PCSK5: variants seen among roughly 807,000 people sequenced by gnomAD.
PCSK5 encodes prohormone convertase 5.
PCSK5 carries 129 observed loss-of-function variants against 233.2 expected under a neutral mutation model. The ratio of observed to expected loss-of-function variants is 0.55; its 90% CI spans 0.48 to 0.64. The LOEUF is 0.64. PCSK5 is among the 30% of genes least tolerant of loss of function. The pLI is 0.00. For synonymous variants in PCSK5, 825 were observed against 879.2 expected (o/e 0.94, Z 1.09); for missense variants, 2,076 against 2,430.1 (o/e 0.85, Z 3.06).
intron 10 of PCSK5, among the ~76,000 whole-genome samples, chr9:76,137,005 C>A (rs1461441961): frequency 2.0e-5 from 3 of 152,076 alleles, no homozygotes; most frequent in Non-Finnish European, 4.4e-5. Context: ...TTCAGACATA[C>A]CCCCATGTCC....
At chr9:76,328,558 T>G (rs1487359888) in intron 33 of PCSK5, among the ~76,000 whole-genome samples, 1 of 152,202 alleles carries the variant, frequency 6.6e-6, no homozygotes, top group South Asian at 2.1e-4. Flanking sequence ...TGTATACATG[T>G]ACATCATTCC....
chr9:76,259,235 C>G (rs920755543), intron 24 of PCSK5, among the ~76,000 whole-genome samples: 1 of 152,036 alleles, frequency 6.6e-6, no homozygotes, highest in African/African-American at 2.4e-5. Context: ...CCTCTTGTTC[C>G]TCACCTCCCT....
At chr9:75,906,287 G>T (rs1021294681) in intron 1 of PCSK5, among the ~76,000 whole-genome samples, 4 of 151,944 alleles carry the variant, frequency 2.6e-5, no homozygotes, top group East Asian at 3.9e-4. Flanking sequence ...GTGCAGTGGC[G>T]CAATCTCGGC....
intron 17 of PCSK5, among the ~76,000 whole-genome samples, chr9:76,185,113 C>T (rs534719136): frequency 1.2e-3 from 182 of 152,274 alleles, no homozygotes; most frequent in African/African-American, 4.1e-3. Flanking sequence ...TTTAATCCCC[C>T]GATTCATTCC....
intron 5 of PCSK5, among the ~76,000 whole-genome samples, chr9:76,047,152 A>G (rs1350957564): frequency 6.6e-6 from 1 of 150,790 alleles, no homozygotes; most frequent in Non-Finnish European, 1.5e-5. Context: ...GCTGGAGTGC[A>G]ATGGTGAGAT....
In PCSK5 at chr9:76,312,614, GTATAAA is replaced by G. The variant is rs200139311; in HGVS notation, c.3884+1768_3884+1773del. On this transcript the variant is annotated intron_variant, in intron 30 of 37. Transcript: ENST00000674117. ...TATAGAGTATAAATATAAGTTATGA[GTATAAA>G]TATAGAGTATAAATATAAGGTATTT... Among the ~76,000 whole-genome samples, 354 of 151,940 alleles carry G rather than the reference GTATAAA, an allele frequency of 2.3e-3. 3 individuals are homozygous for G. The East Asian group carries it at 0.034, about 15-fold the overall frequency.
At chr9:75,902,719 C>T (rs989997584) in intron 1 of PCSK5, among the ~76,000 whole-genome samples, 2 of 152,122 alleles carry the variant, frequency 1.3e-5, no homozygotes, top group Non-Finnish European at 2.9e-5. Context: ...CTGATATGTC[C>T]ACTGGGCAGA....
At chr9:76,128,601 C>T (rs1399972986) in intron 9 of PCSK5, among the ~76,000 whole-genome samples, 1 of 152,100 alleles carries the variant, frequency 6.6e-6, no homozygotes, top group African/African-American at 2.4e-5. Context: ...GAAAAGACAC[C>T]TCAGCTTCAA....
chr9:75,890,357 G>A (rs1387404735), upstream of PCSK5, among the ~76,000 whole-genome samples: 2 of 152,160 alleles, frequency 1.3e-5, no homozygotes, highest in Non-Finnish European at 2.9e-5. Flanking sequence ...CGGTTAATTC[G>A]CACCGGCGTG....
At chr9:76,166,453 A>C (rs1031693887) in intron 12 of PCSK5, among the ~76,000 whole-genome samples, 5 of 152,212 alleles carry the variant, frequency 3.3e-5, no homozygotes, top group African/African-American at 9.7e-5. Context: ...TGACTTTCAA[A>C]GGTGGACAGG....
At chr9:76,176,812 T>C (rs904071267) in intron 14 of PCSK5, among the ~76,000 whole-genome samples, 1 of 152,192 alleles carries the variant, frequency 6.6e-6, no homozygotes, top group Non-Finnish European at 1.5e-5. Context: ...ATTTATATAG[T>C]TTAGAGTTGA....
intron 1 of PCSK5, among the ~76,000 whole-genome samples, chr9:75,893,260 A>G (rs985446944): frequency 6.8e-4 from 104 of 152,168 alleles, no homozygotes; most frequent in Non-Finnish European, 2.6e-4. Context: ...ATTACCTCAC[A>G]CACAGGAGAT....
chr9:76,295,108 C>T (rs13283126), intron 25 of PCSK5, among the ~76,000 whole-genome samples, 167 bp from the exon 26 acceptor site: 38,116 of 151,914 alleles, frequency 0.25, 5,206 homozygotes, highest in African/African-American at 0.36. Flanking sequence ...GAGCCGAGAT[C>T]GACCACTGCA....
intron 24 of PCSK5, among the ~76,000 whole-genome samples, chr9:76,261,606 G>C (rs1229936671): frequency 1.3e-5 from 2 of 152,164 alleles, no homozygotes; most frequent in Admixed American, 6.5e-5. Context: ...ACAAAACGCT[G>C]TCAAAAGAAA....
At chr9:76,353,537 A>G (rs1183324403) in intron 36 of PCSK5, among the ~76,000 whole-genome samples, 2 of 152,226 alleles carry the variant, frequency 1.3e-5, no homozygotes, top group African/African-American at 4.8e-5. Flanking sequence ...GCTGGGGATT[A>G]TGTCAAATAG....
chr9:76,133,094 C>T (rs1432370521), intron 9 of PCSK5, among the ~76,000 whole-genome samples: 3 of 152,072 alleles, frequency 2.0e-5, no homozygotes, highest in African/African-American at 7.2e-5. Flanking sequence ...GAGTAATTTT[C>T]TCCTCTTCCC....
intron 20 of PCSK5, among the ~76,000 whole-genome samples, chr9:76,203,998 AT>A (rs1825013939): frequency 1.3e-5 from 2 of 152,298 alleles, no homozygotes; most frequent in South Asian, 4.1e-4. Context: ...TTCCAGGAAC[AT>A]TTTGAGGATT....
chr9:75,991,940 A>T (rs557969649), intron 3 of PCSK5, among the ~76,000 whole-genome samples: 12 of 152,258 alleles, frequency 7.9e-5, no homozygotes, highest in African/African-American at 2.6e-4. Context: ...TAAAATAAAA[A>T]AAAAAATTAG....
Position 76,023,741 on chromosome 9 carries a change from T to C in PCSK5, c.415T>C (p.Cys139Arg), listed in dbSNP as rs751665570. ...CAGCATGCTCTTCTTCTTTCAGCAC[T>C]GCAGTGACAATACACATCCCTGCCA... ...PKWPSMWYMH[C>R]SDNTHPCQSD... is the part of the protein sequence containing the mutation. Residue 139 changes from cysteine (C) to arginine (R), a missense_variant, in exon 4 of 38, where the codon TGC becomes CGC. Coordinates refer to ENST00000674117, the MANE Select transcript of PCSK5 (RefSeq NM_001372043.1). 1 of 1,609,308 alleles carries C rather than the reference T, an allele frequency of 6.2e-7. No individual in the cohort carries two copies. The highest frequency in any genetic ancestry group is 8.5e-7 in the Non-Finnish European group (1 of 1,177,674).
Sources: gnomAD v4.1 joint callset for allele counts (sites outside exome capture counted in the v4.1 genomes callset) on GRCh38, gnomAD v4.1.1 for gene constraint, MANE v1.5 for transcripts, NCBI Gene and HGNC (gene_info 2026-07-23, HGNC 2026-07-21) for gene names.